The following EVPL variants were observed in gnomAD, a reference collection of about 807,000 sequenced individuals.
The protein encoded by EVPL is 210 kDa cornified envelope precursor protein.
EVPL carries 94 observed loss-of-function variants against 129.7 expected under a neutral mutation model. The observed-to-expected ratio is 0.72, with a 90% confidence interval of 0.61 to 0.86. EVPL has a LOEUF of 0.86. Ranked by LOEUF, EVPL falls within the 40% of genes least tolerant of loss-of-function variation. EVPL has a pLI of 0.00. For missense variants in EVPL, 2,625 were observed against 2,721.1 expected, an observed-to-expected ratio of 0.96 and a Z score of 0.79; for synonymous variants, 1,172 against 1,191.1, an observed-to-expected ratio of 0.98 and a Z score of 0.33.
At chr17:76,019,443 C>T in intron 10 of EVPL, 85 bp downstream of exon 10, 1 of 1,470,858 alleles carries the variant, frequency 6.8e-7, no homozygotes, top group South Asian at 1.4e-5. Flanking sequence ...GACTAGGTAC[C>T]AAGGCAGAAG....
In EVPL at chr17:76,027,112, G is replaced by T. The variant is rs1461159323; in HGVS notation, c.87C>A (p.Ser29Arg). ...PAKGSPKGSP[S>R]RHSRAATQEL... is the part of the protein sequence containing the mutation. ...CCAGTCCCACTTACCGGCTGTGCCT[G>T]CTGGGGGAGCCTTTGGGGGACCCCT... Residue 29 changes from serine to arginine, a missense_variant, in exon 1 of 22, where the codon AGC becomes AGA. Coordinates refer to ENST00000301607, the MANE Select transcript of EVPL (RefSeq NM_001988.4). 1.3e-6 allele frequency: 2 copies of T among 1,494,088 alleles called. No homozygotes were observed. Among genetic ancestry groups the T allele is most frequent in the African/African-American group, 1.4e-5 (1 of 69,764 alleles). 92.6% of individuals were successfully genotyped at this position (1,494,088 alleles called of 1,614,324 possible). A position where few individuals can be genotyped will look rare whatever the true frequency, so the allele number is the denominator to read the frequency against.
rs374712410 is a variant in EVPL, at chr17:76,027,158, G to T, written c.41C>A (p.Ser14Tyr). ...GLSKGSQGKGSPKGSPAKGSP... is the reference protein window; with the variant it reads ...GLSKGSQGKGYPKGSPAKGSP... ...CCCCTTGGCGGGGGAGCCCTTGGGG[G>T]ACCCCTTCCCCTGGGAGCCTTTGCT... Residue 14 changes from serine (S) to tyrosine (Y), a missense_variant, in exon 1 of 22, where the codon TCC becomes TAC. This residue lies in a region of EVPL where 139 missense variants were observed against 186.8 expected (regional missense o/e 0.74). Transcript: ENST00000301607. 3.2e-6 allele frequency: 5 copies of T among 1,581,096 alleles called. No homozygotes were observed. Among genetic ancestry groups the T allele is most frequent in the South Asian group, 1.2e-5 (1 of 86,462 alleles).
Position 76,007,991 on chromosome 17 carries a change from G to A in EVPL, c.5214C>T (p.Leu1738=). The A allele has an allele frequency of 1.9e-6, 3 of 1,614,092 alleles. No homozygotes were observed. The African/African-American group carries it at 4.0e-5, about 22-fold the overall frequency. ...TSGPCGEESV[L]LDRKSGKQYS... Reference sequence around the variant, plus strand: ...ACTGCTTCCCGCTCTTGCGGTCCAGGAGCACAGACTCCTCCCCACAGGGCC... The same window carrying A: ...ACTGCTTCCCGCTCTTGCGGTCCAGAAGCACAGACTCCTCCCCACAGGGCC... The change falls in exon 22 of 22, where the codon CTC becomes CTT. Residue 1738 remains leucine, a synonymous_variant. Coordinates refer to ENST00000301607, the MANE Select transcript of EVPL (RefSeq NM_001988.4). This position sits in a 1 kb window ranked among gnomAD's most constrained non-coding sequence, Gnocchi z 8.8.
At chr17:76,019,385 T>A (rs2066441588) in intron 10 of EVPL, 143 bp downstream of exon 10, 1 of 1,121,350 alleles carries the variant, frequency 8.9e-7, no homozygotes, top group African/African-American at 1.6e-5. Context: ...GCCAGCCTCC[T>A]GCTAGAGTAA....
rs769237374 is a variant in EVPL at position 76,009,149 on chromosome 17, G to T, written c.4056C>A (p.Tyr1352Ter). Residue 1352 changes from tyrosine to a stop codon, truncating the protein, a stop_gained, in exon 22 of 22, where the codon TAC becomes TAA. Coordinates refer to ENST00000301607, the MANE Select transcript of EVPL (RefSeq NM_001988.4). LOFTEE classifies it low-confidence loss of function (END_TRUNC). This position sits in a 1 kb window ranked among gnomAD's most constrained non-coding sequence, Gnocchi z 5.9. ...QKRRAAEDAV[Y>*]ELQSKRLLLE... ...GCAGCAGGCGCTTGCTCTGCAGCTCGTACACCGCGTCCTCCGCGGCCCGCC... is the reference window on the plus strand; with the variant it reads ...GCAGCAGGCGCTTGCTCTGCAGCTCTTACACCGCGTCCTCCGCGGCCCGCC... The T allele has an allele frequency of 1.2e-6, 2 of 1,611,084 alleles. No homozygotes were observed. Among genetic ancestry groups the T allele is most frequent in the South Asian group, 1.1e-5 (1 of 91,040 alleles).
chr17:76,020,259 G>A (rs1211057366), intron 9 of EVPL, among the ~76,000 whole-genome samples: 4 of 152,146 alleles, frequency 2.6e-5, no homozygotes, highest in Admixed American at 6.6e-5. Flanking sequence ...CTACCCAGGC[G>A]GCAGGACCTT....
At position 76,027,096 on chromosome 17, in the gene EVPL, C is replaced by G. The variant is rs202145642; in HGVS notation, c.98+5G>C. ...CCCGGCTCCCCATCCCCCAGTCCCACTTACCGGCTGTGCCTGCTGGGGGAG... is the reference window on the plus strand; with the variant it reads ...CCCGGCTCCCCATCCCCCAGTCCCAGTTACCGGCTGTGCCTGCTGGGGGAG... On this transcript the variant is annotated splice_donor_5th_base_variant and intron_variant, in intron 1 of 21. Coordinates refer to ENST00000301607, the MANE Select transcript of EVPL (RefSeq NM_001988.4). The G allele has an allele frequency of 1.2e-4, 173 of 1,470,650 alleles. 3 individuals are homozygous for G. The East Asian group carries it at 4.3e-3, about 36-fold the overall frequency. The allele number at this position is 1,470,650 out of a possible 1,614,324, so 91.1% of individuals were successfully genotyped here. A position where few individuals can be genotyped will look rare whatever the true frequency, so the allele number is the denominator to read the frequency against.
chr17:76,009,307 C>T lies in EVPL; in HGVS notation c.3898G>A (p.Glu1300Lys), dbSNP rs546329513. Residue 1300 changes from glutamate (E) to lysine (K), a missense_variant, in exon 22 of 22, where the codon GAG becomes AAG. By Grantham distance (56) the Glu-to-Lys change is moderately conservative. Coordinates refer to ENST00000301607, the MANE Select transcript of EVPL (RefSeq NM_001988.4). This position sits in a 1 kb window ranked among gnomAD's most constrained non-coding sequence, Gnocchi z 5.9. ...ACCTTGGCCCGCTCGCGCCTCCACT[C>T]GTCGCGCTCACCCTGCAGGCGGATG... is the stretch of plus-strand genomic sequence containing the variant. ...QLIRLQGERDEWRRERAKVET... is the reference protein window; with the variant it reads ...QLIRLQGERDKWRRERAKVET... 10 of 1,609,612 alleles carry T rather than the reference C, an allele frequency of 6.2e-6. No homozygotes were observed. In the East Asian group the frequency reaches 1.1e-4, roughly 18 times the overall value.
rs1300651681 is a variant in EVPL at position 76,022,283 on chromosome 17, C to T, written c.607-56G>A. On this transcript the variant is annotated intron_variant, in intron 5 of 21. Transcript: ENST00000301607. The surrounding 1 kb of genome is among the most constrained non-coding windows in gnomAD (Gnocchi z 5.6). Reference sequence around the variant, plus strand: ...TGAGAGGTGGGGTGCAGGGAGACGGCCCCCTAAGATCTGGGCCAGCCATAC... The same window carrying T: ...TGAGAGGTGGGGTGCAGGGAGACGGTCCCCTAAGATCTGGGCCAGCCATAC... The T allele has an allele frequency of 1.6e-5, 25 of 1,604,942 alleles. No homozygotes were observed. The East Asian group carries it at 3.8e-4, about 24-fold the overall frequency.
At chr17:76,015,427 TG>T (rs763112558) in intron 15 of EVPL, 22 bp downstream of exon 15, 2 of 1,607,816 alleles carry the variant, frequency 1.2e-6, no homozygotes, top group African/African-American at 2.7e-5. Flanking sequence ...CCTGCGTGGC[TG>T]CCCTGTCCCC....
chr17:76,015,556 A>C lies in EVPL; in HGVS notation c.1783T>G (p.Ser595Ala). Reference sequence around the variant, plus strand: ...GCAGCGGGGCCCACGGGCCGCGTGGACAGAAACGCCTCGCACTCCTTCTGG... The same window carrying C: ...GCAGCGGGGCCCACGGGCCGCGTGGCCAGAAACGCCTCGCACTCCTTCTGG... ...TAQKECEAFLSTRPVGPAALQ... is the reference protein window; with the variant it reads ...TAQKECEAFLATRPVGPAALQ... The change falls in exon 15 of 22, where the codon TCC (serine) becomes GCC (alanine). Residue 595 changes from serine (S) to alanine (A), a missense_variant. This residue lies in a region of EVPL where 1,024 missense variants were observed against 997.5 expected (regional missense o/e 1.03). Transcript: ENST00000301607. 1 of 1,613,278 alleles carries C rather than the reference A, an allele frequency of 6.2e-7. No homozygotes were observed. Among genetic ancestry groups the C allele is most frequent in the Middle Eastern group, 1.6e-4 (1 of 6,062 alleles).
rs1326432429 is a variant in EVPL at position 76,013,358 on chromosome 17, T to C, written c.2373+1068A>G. On this transcript the variant is annotated intron_variant, in intron 18 of 21. Transcript: ENST00000301607. This position sits in a 1 kb window ranked among gnomAD's most constrained non-coding sequence, Gnocchi z 4.3. ...TCATTTTCCGGCAGTCCCAGACCCATCTTTGCTCTCACGAGCTCCTAGGGG... is the reference window on the plus strand; with the variant it reads ...TCATTTTCCGGCAGTCCCAGACCCACCTTTGCTCTCACGAGCTCCTAGGGG... Among the ~76,000 whole-genome samples, 1 of 152,102 alleles carries C rather than the reference T, an allele frequency of 6.6e-6. No individual in the cohort carries two copies. Among genetic ancestry groups the C allele is most frequent in the African/African-American group, 2.4e-5 (1 of 41,404 alleles).
chr17:76,009,165 G>A lies in EVPL; in HGVS notation c.4040C>T (p.Ala1347Val), dbSNP rs765962347. ...VREAAQKRRA[A>V]EDAVYELQSK... is the part of the protein sequence containing the mutation. ...CTGCAGCTCGTACACCGCGTCCTCC[G>A]CGGCCCGCCTCTTCTGGGCCGCCTC... The change falls in exon 22 of 22, where the codon GCG (alanine) becomes GTG (valine). Residue 1347 changes from alanine to valine, a missense_variant. Physicochemically the swap from Ala to Val is moderately conservative, Grantham distance 64. Coordinates refer to ENST00000301607, the MANE Select transcript of EVPL (RefSeq NM_001988.4). The surrounding 1 kb of genome is among the most constrained non-coding windows in gnomAD (Gnocchi z 5.9). 3 of 1,607,602 alleles carry A rather than the reference G, an allele frequency of 1.9e-6. No individual in the cohort carries two copies. The highest frequency in any genetic ancestry group is 1.3e-5 in the African/African-American group (1 of 74,850).
chr17:76,015,008 G>C lies in EVPL; in HGVS notation c.2130C>G (p.Phe710Leu). Residue 710 changes from phenylalanine to leucine, a missense_variant, in exon 17 of 22, where the codon TTC (phenylalanine) becomes TTG (leucine). Physicochemically the swap from Phe to Leu is conservative, Grantham distance 22 (BLOSUM62 0). Coordinates refer to ENST00000301607, the MANE Select transcript of EVPL (RefSeq NM_001988.4). The stretch of plus-strand genomic sequence containing the variant: ...GAGGCAGGTCTTGGCAGAACTCCTG[G>C]AAGTTGTTCTGCAGGGCAGCGCATG... ...EHACAALQNNFQEFCQDLPRQ... is the reference protein window; with the variant it reads ...EHACAALQNNLQEFCQDLPRQ... 1 of 1,596,714 alleles carries C rather than the reference G, an allele frequency of 6.3e-7. No individual in the cohort carries two copies. The highest frequency in any genetic ancestry group is 8.5e-7 in the Non-Finnish European group (1 of 1,176,944).
chr17:76,007,818 A>G lies in EVPL; in HGVS notation c.5387T>C (p.Ile1796Thr), dbSNP rs938023580. The change falls in exon 22 of 22, where the codon ATC becomes ACC. Residue 1796 changes from isoleucine to threonine, a missense_variant. Transcript: ENST00000301607. The surrounding 1 kb of genome is among the most constrained non-coding windows in gnomAD (Gnocchi z 8.8). ...PSSSLSIGSI[I>T]SKSPLASPAP... is the part of the protein sequence containing the mutation. ...CGGGGAGGCGAGCGGGGACTTGGAG[A>G]TGATAGAGCCGATGGAGAGTGAGGA... The G allele has an allele frequency of 4.3e-6, 7 of 1,610,696 alleles. No homozygotes were observed. Among genetic ancestry groups the G allele is most frequent in the Admixed American group, 1.7e-5 (1 of 59,928 alleles).
At position 76,021,955 on chromosome 17, in the gene EVPL, C is replaced by T; in HGVS notation, c.719G>A (p.Ser240Asn). The T allele has an allele frequency of 6.4e-7, 1 of 1,560,652 alleles. No homozygotes were observed. The highest frequency in any genetic ancestry group is 8.6e-7 in the Non-Finnish European group (1 of 1,160,464). ...THLQGCTRQL[S>N]ALAEQQRRIL... ...GCGGCGCTGCTGCTCAGCCAGGGCG[C>T]TCAGCTGCCGCGTGCAGCCCTGGAG... is the stretch of plus-strand genomic sequence containing the variant. Residue 240 changes from serine to asparagine, a missense_variant, in exon 7 of 22, where the codon AGC becomes AAC. Physicochemically the swap from Ser to Asn is conservative, Grantham distance 46. This residue lies in a region of EVPL where 1,024 missense variants were observed against 997.5 expected (regional missense o/e 1.03). Transcript: ENST00000301607.
In EVPL at chr17:76,027,134, C is replaced by A. The variant is rs763751175; in HGVS notation, c.65G>T (p.Gly22Val). Residue 22 changes from glycine to valine, a missense_variant, in exon 1 of 22, where the codon GGG becomes GTG. Gly to Val is a moderately radical substitution (Grantham distance 109). Coordinates refer to ENST00000301607, the MANE Select transcript of EVPL (RefSeq NM_001988.4). ...CCTGCTGGGGGAGCCTTTGGGGGAC[C>A]CCTTGGCGGGGGAGCCCTTGGGGGA... ...KGSPKGSPAKGSPKGSPSRHS... is the reference protein window; with the variant it reads ...KGSPKGSPAKVSPKGSPSRHS... 6.5e-7 allele frequency: 1 copy of A among 1,548,166 alleles called. No individual in the cohort carries two copies. The highest frequency in any genetic ancestry group is 1.2e-5 in the South Asian group (1 of 81,876).
Position 76,008,314 on chromosome 17 carries a change from C to T in EVPL, c.4891G>A (p.Ala1631Thr). The T allele has an allele frequency of 6.2e-7, 1 of 1,608,316 alleles. No individual in the cohort carries two copies. Among genetic ancestry groups the T allele is most frequent in the Non-Finnish European group, 8.5e-7 (1 of 1,179,892 alleles). The change falls in exon 22 of 22, where the codon GCG becomes ACG. Residue 1631 changes from alanine (A) to threonine (T), a missense_variant. This residue lies in a region of EVPL where 1,453 missense variants were observed against 1,511.8 expected (regional missense o/e 0.96). Coordinates refer to ENST00000301607, the MANE Select transcript of EVPL (RefSeq NM_001988.4). This position sits in a 1 kb window ranked among gnomAD's most constrained non-coding sequence, Gnocchi z 7.4. ...SQKTESERQKAAQRGQELSRL... is the reference protein window; with the variant it reads ...SQKTESERQKTAQRGQELSRL... Reference sequence around the variant, plus strand: ...GAGAGCTCCTGGCCCCGCTGGGCCGCCTTCTGTCGCTCGCTCTCCGTCTTC... The same window carrying T: ...GAGAGCTCCTGGCCCCGCTGGGCCGTCTTCTGTCGCTCGCTCTCCGTCTTC...
Position 76,018,175 on chromosome 17 carries a change from C to T in EVPL, c.1523G>A (p.Arg508Gln), listed in dbSNP as rs915051955. ...RLKASAVESL[R>Q]PSQQAPSGSD... is the part of the protein sequence containing the mutation. ...ACCCTGGGTACCCTGCTGGCTGGGC[C>T]GAAGAGACTCCACAGCACTGGCCTT... Residue 508 changes from arginine (R) to glutamine (Q), a missense_variant, in exon 13 of 22, where the codon CGG becomes CAG. By Grantham distance (43) the Arg-to-Gln change is conservative. Around this residue, in one of 4 missense-constraint regions of EVPL, gnomAD observed 1,024 missense variants for 997.5 expected, o/e 1.03. Coordinates refer to ENST00000301607, the MANE Select transcript of EVPL (RefSeq NM_001988.4). 15 of 1,550,992 alleles carry T rather than the reference C, an allele frequency of 9.7e-6. No homozygotes were observed. The highest frequency in any genetic ancestry group is 6.8e-5 in the African/African-American group (5 of 73,164).
Sources: allele counts gnomAD v4.1 joint callset (sites outside exome capture counted in the v4.1 genomes callset), GRCh38; gene constraint gnomAD v4.1.1; regional missense constraint gnomAD v4.1.1; non-coding constraint Gnocchi (gnomAD v3.1); transcripts MANE v1.5; gene names NCBI Gene and HGNC (gene_info 2026-07-23, HGNC 2026-07-21).